L2HGDH: variants seen among roughly 807,000 people sequenced by gnomAD.
L2HGDH encodes L-2-hydroxyglutarate dehydrogenase, mitochondrial.
In L2HGDH, 34 loss-of-function variants were observed where a neutral mutation model predicts 51.5. The ratio of observed to expected loss-of-function variants is 0.66; its 90% confidence interval spans 0.50 to 0.88. L2HGDH has a LOEUF of 0.88. Ranked by LOEUF, L2HGDH falls within the 40% of genes least tolerant of loss-of-function variation. The pLI is 0.00. For synonymous variants in L2HGDH, 198 were observed against 197.9 expected (o/e 1.00, Z -0.01); for missense variants, 558 against 571.9 (o/e 0.98, Z 0.25).
intron 9 of L2HGDH, among the ~76,000 whole-genome samples, chr14:50,262,589 G>T (rs970968153): frequency 1.3e-5 from 2 of 151,822 alleles, no homozygotes; most frequent in African/African-American, 4.8e-5. Flanking sequence ...GAACTCTCAA[G>T]ATCCCATTCT....
intron 8 of L2HGDH, among the ~76,000 whole-genome samples, 193 bp downstream of exon 8, chr14:50,267,560 T>C (rs12431539): frequency 6.8e-6 from 1 of 146,900 alleles, no homozygotes; most frequent in Non-Finnish European, 1.5e-5. Context: ...AAAGGCATTT[T>C]TTTTTTTGTT....
chr14:50,302,841 A>G, intron 2 of L2HGDH, 61 bp downstream of exon 2: 1 of 1,103,548 alleles, frequency 9.1e-7, no homozygotes, highest in South Asian at 1.2e-5. Context: ...AAAGATTCAC[A>G]ACAGACAAAA....
intron 9 of L2HGDH, among the ~76,000 whole-genome samples, chr14:50,264,670 T>C (rs1323914326): frequency 6.6e-6 from 1 of 152,108 alleles, no homozygotes; most frequent in African/African-American, 2.4e-5. Context: ...AAGTGGGAGC[T>C]AAATGATGAG....
rs1434040343 is a variant in L2HGDH at position 50,269,387 on chromosome 14, G to A, written c.739-57C>T. The A allele has an allele frequency of 4.0e-6, 6 of 1,515,370 alleles. No homozygotes were observed. In the African/African-American group the frequency reaches 5.5e-5, roughly 14 times the overall value. The allele number at this position is 1,515,370 out of a possible 1,614,324, so 93.9% of individuals were successfully genotyped here. A position where few individuals can be genotyped will look rare whatever the true frequency, so the allele number is the denominator to read the frequency against. The stretch of plus-strand genomic sequence containing the variant: ...TAAAGTGGAGTAGAATAGGTCAAGA[G>A]GGGAAAAACAGGTGATAGAAAAGAA... On this transcript the variant is annotated intron_variant, in intron 6 of 9. Transcript: ENST00000267436.
intron 6 of L2HGDH, among the ~76,000 whole-genome samples, chr14:50,277,774 AAATAATAAT>A (rs34552494): frequency 0.19 from 25,049 of 133,300 alleles, 2,482 homozygotes; most frequent in South Asian, 0.27. Context: ...CTCCGTCTCA[AAATAATAAT>A]AATAATAATA....
intron 4 of L2HGDH, among the ~76,000 whole-genome samples, chr14:50,291,415 T>A (rs966820322): frequency 1.3e-5 from 2 of 151,968 alleles, no homozygotes; most frequent in African/African-American, 4.8e-5. Flanking sequence ...ATTCACTATC[T>A]CAGAGAGATA....
At position 50,243,238 on chromosome 14, in the gene L2HGDH, C is replaced by T. The variant is rs1887867846; in HGVS notation, c.*3820G>A. The T allele has an allele frequency of 1.0e-6, 1 of 985,286 alleles. No homozygotes were observed. Among genetic ancestry groups the T allele is most frequent in the South Asian group, 4.7e-5 (1 of 21,296 alleles). The allele number at this position is 985,286 out of a possible 1,614,324, so 61.0% of individuals were successfully genotyped here. On this transcript the variant is annotated 3_prime_UTR_variant, in exon 10 of 10. Coordinates refer to ENST00000267436, the MANE Select transcript of L2HGDH (RefSeq NM_024884.3). ...CGTAACATGAAACACCAAAAATATA[C>T]TTGCTGGTACATCAAGAGTTCCTCA...
At chr14:50,271,358 T>C (rs1889677258) in intron 6 of L2HGDH, among the ~76,000 whole-genome samples, 1 of 152,196 alleles carries the variant, frequency 6.6e-6, no homozygotes, top group Non-Finnish European at 1.5e-5. Context: ...GGTACCAGCA[T>C]GCAATAACCT....
At chr14:50,288,039 T>G (rs1171274532) in intron 4 of L2HGDH, among the ~76,000 whole-genome samples, 1 of 152,156 alleles carries the variant, frequency 6.6e-6, no homozygotes, top group Non-Finnish European at 1.5e-5. Flanking sequence ...TATTTCAGTA[T>G]GTGTCTACAA....
At chr14:50,269,387 G>GGGGAAAAACAGGTGATAGAA in intron 6 of L2HGDH, 57 bp from the exon 7 acceptor site, 1 of 1,515,488 alleles carries the variant, frequency 6.6e-7, no homozygotes, top group Non-Finnish European at 9.1e-7. Context: ...TAGGTCAAGA[G>GGGGAAAAACAGGTGATAGAA]GGGAAAAACA....
At chr14:50,290,183 C>G (rs1226453761) in intron 4 of L2HGDH, among the ~76,000 whole-genome samples, 1 of 152,020 alleles carries the variant, frequency 6.6e-6, no homozygotes, top group African/African-American at 2.4e-5. Context: ...AGGAGAATGG[C>G]GTGAACCCAA....
chr14:50,277,930 A>G (rs1265128444), intron 6 of L2HGDH, among the ~76,000 whole-genome samples: 2 of 152,148 alleles, frequency 1.3e-5, no homozygotes, highest in African/African-American at 4.8e-5. Context: ...CCAGCTCCGC[A>G]TTCAGCTCTG....
At position 50,246,229 on chromosome 14, in the gene L2HGDH, T is replaced by TAC. The variant is rs1487567812; in HGVS notation, c.*828_*829insGT. The TAC allele has an allele frequency of 2.0e-5, 3 of 152,166 alleles. No homozygotes were observed. The highest frequency in any genetic ancestry group is 4.4e-5 in the Non-Finnish European group (3 of 68,072). 9.4% of individuals were successfully genotyped at this position (152,166 alleles called of 1,614,324 possible). A position where few individuals can be genotyped will look rare whatever the true frequency, so the allele number is the denominator to read the frequency against. ...GGAATTTATTTTTTGTTGTTGTTTT[T>TAC]ATTTTTTGAGTCAGGGACTCACTTT... On this transcript the variant is annotated 3_prime_UTR_variant, in exon 10 of 10. Transcript: ENST00000267436.
chr14:50,305,909 G>A (rs536427793), intron 1 of L2HGDH, among the ~76,000 whole-genome samples: 2 of 152,298 alleles, frequency 1.3e-5, no homozygotes, highest in East Asian at 3.9e-4. Context: ...ATAGTACCAT[G>A]TAAATGCTAT....
At chr14:50,289,138 T>C (rs927339632) in intron 4 of L2HGDH, among the ~76,000 whole-genome samples, 1 of 152,196 alleles carries the variant, frequency 6.6e-6, no homozygotes, top group African/African-American at 2.4e-5. Flanking sequence ...TTAATTTTAA[T>C]ACTAGCATTT....
chr14:50,302,057 T>C lies in L2HGDH; in HGVS notation c.368A>G (p.Tyr123Cys). 1 of 1,614,198 alleles carries C rather than the reference T, an allele frequency of 6.2e-7. No individual in the cohort carries two copies. The highest frequency in any genetic ancestry group is 1.6e-4 in the Middle Eastern group (1 of 6,062). Residue 123 changes from tyrosine (Y) to cysteine (C), a missense_variant, in exon 3 of 10, where the codon TAC (tyrosine) becomes TGC (cysteine). Tyr to Cys is a radical substitution (Grantham distance 194, BLOSUM62 -2). This residue lies in a region of L2HGDH where 194 missense variants were observed against 187.2 expected (regional missense o/e 1.04). Transcript: ENST00000267436. ...CVQGAALLYEYCQQKGISYKQ... is the reference protein window; with the variant it reads ...CVQGAALLYECCQQKGISYKQ... ...GTAGGAAATTCCCTTTTGCTGACAGTACTCATAGAGGAGGGCTGCACCTTG... is the reference window on the plus strand; with the variant it reads ...GTAGGAAATTCCCTTTTGCTGACAGCACTCATAGAGGAGGGCTGCACCTTG...
At chr14:50,260,925 G>A (rs1384914210) in intron 9 of L2HGDH, among the ~76,000 whole-genome samples, 1 of 152,082 alleles carries the variant, frequency 6.6e-6, no homozygotes, top group Admixed American at 6.6e-5. Flanking sequence ...AGACCAGCCA[G>A]GCCAACATGG....
At chr14:50,255,562 A>G (rs926476098) in intron 9 of L2HGDH, among the ~76,000 whole-genome samples, 2 of 151,566 alleles carry the variant, frequency 1.3e-5, no homozygotes, top group African/African-American at 4.8e-5. Context: ...AAGAAAAGAA[A>G]AAGAAAAGAA....
chr14:50,306,808 T>C (rs1207568422), intron 1 of L2HGDH, among the ~76,000 whole-genome samples: 1 of 152,048 alleles, frequency 6.6e-6, no homozygotes, highest in African/African-American at 2.4e-5. Flanking sequence ...TTGTTTATAC[T>C]GAAAATTTTT....
Sources: gnomAD v4.1 joint callset for allele counts (sites outside exome capture counted in the v4.1 genomes callset) on GRCh38, gnomAD v4.1.1 for gene constraint, gnomAD v4.1.1 regional missense constraint, MANE v1.5 for transcripts, NCBI Gene and HGNC (gene_info 2026-07-23, HGNC 2026-07-21) for gene names.